The following CFAP77 variants were observed in gnomAD, a reference collection of about 807,000 sequenced individuals.
The protein encoded by CFAP77 is cilia and flagella associated protein 77, also known as cilia- and flagella-associated protein 77.
A neutral mutation model predicts 31.1 loss-of-function variants in CFAP77; 25 were observed. That is an observed-to-expected ratio of 0.80 (90% confidence interval 0.59 to 1.12). CFAP77 has a LOEUF of 1.12. Ranked by LOEUF, CFAP77 falls within the 50% of genes most tolerant of loss-of-function variation. The probability of loss-of-function intolerance (pLI) is 0.00; values close to 1 mark genes in which losing one functional copy is unlikely to be tolerated. For missense variants in CFAP77, 377 were observed against 397.3 expected, an observed-to-expected ratio of 0.95 and a Z score of 0.44; for synonymous variants, 151 against 159.9, an observed-to-expected ratio of 0.94 and a Z score of 0.42.
At chr9:132,416,641 C>CTTT (rs753121257) in intron 1 of CFAP77, among the ~76,000 whole-genome samples, 10 of 123,216 alleles carry the variant, frequency 8.1e-5, no homozygotes, top group African/African-American at 2.8e-4. Flanking sequence ...CCACACTGGG[C>CTTT]TTTTTTTTTT....
intron 3 of CFAP77, among the ~76,000 whole-genome samples, chr9:132,507,736 C>T (rs1307814230): frequency 2.0e-5 from 3 of 152,170 alleles, no homozygotes; most frequent in South Asian, 4.2e-4. Context: ...GCCCTTTCCC[C>T]AGCAGCCATC....
At chr9:132,441,728 C>G (rs1213818581) in intron 1 of CFAP77, among the ~76,000 whole-genome samples, 3 of 152,202 alleles carry the variant, frequency 2.0e-5, no homozygotes, top group Non-Finnish European at 4.4e-5. Context: ...TCTGGGGAGA[C>G]AAACAGCCCC....
At chr9:132,444,428 G>C (rs183798376) in intron 1 of CFAP77, among the ~76,000 whole-genome samples, 9 of 152,060 alleles carry the variant, frequency 5.9e-5, no homozygotes, top group African/African-American at 2.2e-4. Context: ...AAAGAGGAAC[G>C]AGAGGGGAAT....
chr9:132,521,778 T>TTTTTTTTTTG (rs533275755), intron 3 of CFAP77, among the ~76,000 whole-genome samples: 17,829 of 105,534 alleles, frequency 0.17, 1,409 homozygotes, highest in East Asian at 0.22. Context: ...TTTTTTTTTT[T>TTTTTTTTTTG]TTTTTTGAGA....
chr9:132,459,852 CTG>C (rs746765480), intron 1 of CFAP77, among the ~76,000 whole-genome samples: 12 of 143,504 alleles, frequency 8.4e-5, no homozygotes, highest in South Asian at 4.5e-4. Flanking sequence ...TATTGTGAGT[CTG>C]TGTGTGAGTG....
chr9:132,553,281 A>G (rs866410297), intron 5 of CFAP77, among the ~76,000 whole-genome samples: 10 of 152,186 alleles, frequency 6.6e-5, no homozygotes, highest in Admixed American at 1.3e-4. Context: ...CTCCAATGCC[A>G]TCACACTGGG....
chr9:132,555,768 C>A (rs1404268574), intron 5 of CFAP77, among the ~76,000 whole-genome samples: 1 of 152,108 alleles, frequency 6.6e-6, no homozygotes, highest in Non-Finnish European at 1.5e-5. Context: ...CCTGTGTGGT[C>A]CTGCATGTGT....
chr9:132,480,125 G>C lies in CFAP77; in HGVS notation c.196-18570G>C, dbSNP rs1216066819. ...TTTGCAGATGGGACCACTGAGGCCAGAGAAGAGGAGAGGGGGCCTCCTCGG... is the reference window on the plus strand; with the variant it reads ...TTTGCAGATGGGACCACTGAGGCCACAGAAGAGGAGAGGGGGCCTCCTCGG... On this transcript the variant is annotated intron_variant, in intron 1 of 5. Transcript: ENST00000393216. This position sits in a 1 kb window ranked among gnomAD's most constrained non-coding sequence, Gnocchi z 5.8. Among the ~76,000 whole-genome samples the C allele has an allele frequency of 6.6e-6, 1 of 152,164 alleles. No homozygotes were observed. The highest frequency in any genetic ancestry group is 6.5e-5 in the Admixed American group (1 of 15,286).
At chr9:132,553,255 T>C (rs1348391265) in intron 5 of CFAP77, among the ~76,000 whole-genome samples, 1 of 152,058 alleles carries the variant, frequency 6.6e-6, no homozygotes, top group African/African-American at 2.4e-5. Flanking sequence ...CCTAATCAAC[T>C]CCCCAAGAGC....
chr9:132,534,165 T>A (rs1564243852), intron 3 of CFAP77, among the ~76,000 whole-genome samples: 4 of 152,226 alleles, frequency 2.6e-5, no homozygotes, highest in Non-Finnish European at 5.9e-5. Flanking sequence ...ATGACCCATC[T>A]GCTGGGAAGC....
chr9:132,567,293 T>A (rs1829896409), intron 5 of CFAP77, among the ~76,000 whole-genome samples: 1 of 152,208 alleles, frequency 6.6e-6, no homozygotes, highest in Non-Finnish European at 1.5e-5. Context: ...GTGCAAGGGG[T>A]GTGTGCTTAG....
intron 1 of CFAP77, among the ~76,000 whole-genome samples, chr9:132,458,049 C>G (rs962505063): frequency 2.4e-4 from 37 of 152,192 alleles, no homozygotes; most frequent in African/African-American, 8.2e-4. Flanking sequence ...TTTTATGATC[C>G]TATTTTCTCT....
chr9:132,450,914 G>T (rs1009221945), intron 1 of CFAP77, among the ~76,000 whole-genome samples: 6 of 152,190 alleles, frequency 3.9e-5, no homozygotes, highest in African/African-American at 1.4e-4. Flanking sequence ...AGCTACTTAG[G>T]AGACAGCCTG....
chr9:132,554,989 CTCAGCCATCT>C lies in CFAP77; in HGVS notation c.732+11943_732+11952del, dbSNP rs374306946. ...CCATCCATCCATCCATCCATCCATCCTCAGCCATCTGTCCATCTGTTTGTTCATCCAACCA... is the reference window on the plus strand; with the variant it reads ...CCATCCATCCATCCATCCATCCATCCGTCCATCTGTTTGTTCATCCAACCA... On this transcript the variant is annotated intron_variant, in intron 5 of 5. Transcript: ENST00000393216. This position sits in a 1 kb window ranked among gnomAD's most constrained non-coding sequence, Gnocchi z 4.1. Among the ~76,000 whole-genome samples the C allele has an allele frequency of 9.6e-4, 143 of 148,740 alleles. No individual in the cohort carries two copies. Among genetic ancestry groups the C allele is most frequent in the African/African-American group, 3.5e-3 (136 of 39,026 alleles).
At chr9:132,547,139 T>C (rs1444102476) in intron 5 of CFAP77, among the ~76,000 whole-genome samples, 1 of 152,202 alleles carries the variant, frequency 6.6e-6, no homozygotes, top group Non-Finnish European at 1.5e-5. Context: ...GACGCTCCCC[T>C]GCCCTTTGGC....
In CFAP77 at chr9:132,511,329, G is replaced by A. The variant is rs954559994; in HGVS notation, c.524+11729G>A. 1.3e-5 allele frequency among the ~76,000 whole-genome samples: 2 copies of A among 152,094 alleles called. No individual in the cohort carries two copies. Among genetic ancestry groups the A allele is most frequent in the Admixed American group, 1.3e-4 (2 of 15,270 alleles). On this transcript the variant is annotated intron_variant, in intron 3 of 5. Transcript: ENST00000393216. The surrounding 1 kb of genome is among the most constrained non-coding windows in gnomAD (Gnocchi z 5.8). ...GCTTTTCCCTCTGCCAGGGATGCTC[G>A]TTCCCACCTTGCCTGGCGGAGGCCT... is the stretch of plus-strand genomic sequence containing the variant.
chr9:132,525,171 C>T (rs1852337226), intron 3 of CFAP77, among the ~76,000 whole-genome samples: 1 of 151,716 alleles, frequency 6.6e-6, no homozygotes, highest in Non-Finnish European at 1.5e-5. Flanking sequence ...AGGCATGCGC[C>T]ACCACGCCTG....
At chr9:132,500,152 CAAAAAAAAA>C (rs563485823) in intron 3 of CFAP77, among the ~76,000 whole-genome samples, 1 of 84,878 alleles carries the variant, frequency 1.2e-5, no homozygotes, top group South Asian at 3.9e-4. Flanking sequence ...ACCCTGTCTC[CAAAAAAAAA>C]AAAAAAAAAC....
rs950819278 is a variant in CFAP77, at chr9:132,481,412, C to G, written c.196-17283C>G. ...GTATTCCTATTTCTTTTCCCTTTGACTAGCCGCCTAATCCTCGAACTCACT... is the reference window on the plus strand; with the variant it reads ...GTATTCCTATTTCTTTTCCCTTTGAGTAGCCGCCTAATCCTCGAACTCACT... On this transcript the variant is annotated intron_variant, in intron 1 of 5. Coordinates refer to ENST00000393216, the MANE Select transcript of CFAP77 (RefSeq NM_001282957.2). This position sits in a 1 kb window ranked among gnomAD's most constrained non-coding sequence, Gnocchi z 5.0. Among the ~76,000 whole-genome samples, 1 of 152,194 alleles carries G rather than the reference C, an allele frequency of 6.6e-6. No individual in the cohort carries two copies. Among genetic ancestry groups the G allele is most frequent in the African/African-American group, 2.4e-5 (1 of 41,446 alleles).
Sources: allele counts gnomAD v4.1 joint callset (sites outside exome capture counted in the v4.1 genomes callset), GRCh38; gene constraint gnomAD v4.1.1; non-coding constraint Gnocchi (gnomAD v3.1); transcripts MANE v1.5; gene names NCBI Gene and HGNC (gene_info 2026-07-23, HGNC 2026-07-21).